Variants in KCNMA1 observed in about 807,000 individuals in gnomAD.
The protein encoded by KCNMA1 is potassium calcium-activated channel subfamily M alpha 1, also known as Calcium-activated potassium channel subunit alpha-1.
Under a neutral mutation model 140.0 loss-of-function variants are expected in KCNMA1, and 29 were observed. That is an observed-to-expected ratio of 0.21 (90% CI 0.15 to 0.28). KCNMA1 has a LOEUF of 0.28. Among genes scored for constraint, KCNMA1 ranks in the 10% least tolerant of loss-of-function variants. The pLI, the probability that KCNMA1 is intolerant of heterozygous loss-of-function variation, is 1.00. For synonymous variants in KCNMA1, 612 were observed against 611.9 expected, an observed-to-expected ratio of 1.00 and a Z score of 0.00; for missense variants, 880 against 1,602.2, an observed-to-expected ratio of 0.55 and a Z score of 7.70.
intron 22 of KCNMA1, among the ~76,000 whole-genome samples, chr10:76,947,707 C>T (rs1181637769): frequency 2.0e-5 from 3 of 152,150 alleles, no homozygotes; most frequent in African/African-American, 4.8e-5. Flanking sequence ...GGGTTTTTGG[C>T]CCAGCATCCA....
intron 1 of KCNMA1, among the ~76,000 whole-genome samples, chr10:77,605,607 A>ACAGT (rs1282329603): frequency 6.6e-6 from 1 of 152,106 alleles, no homozygotes; most frequent in Non-Finnish European, 1.5e-5. Context: ...CTCTGCTGGG[A>ACAGT]CAGTCGTCAG....
chr10:77,010,458 G>A (rs1022512625), intron 18 of KCNMA1, among the ~76,000 whole-genome samples: 3 of 151,958 alleles, frequency 2.0e-5, no homozygotes, highest in Non-Finnish European at 4.4e-5. Flanking sequence ...CAGAATCGGG[G>A]AATTCTTGTC....
chr10:77,025,008 C>T (rs879157905), intron 16 of KCNMA1, among the ~76,000 whole-genome samples: 2 of 151,688 alleles, frequency 1.3e-5, no homozygotes, highest in Non-Finnish European at 2.9e-5. Context: ...CATCAAGACA[C>T]GTCAGGACAA....
chr10:77,075,122 G>C (rs374386477), intron 13 of KCNMA1, among the ~76,000 whole-genome samples: 2 of 152,200 alleles, frequency 1.3e-5, no homozygotes, highest in Admixed American at 6.5e-5. Flanking sequence ...TCCCTGATGA[G>C]AGCATGGTTA....
intron 2 of KCNMA1, among the ~76,000 whole-genome samples, chr10:77,380,268 C>T (rs910905789): frequency 2.6e-5 from 4 of 152,168 alleles, no homozygotes; most frequent in African/African-American, 9.7e-5. Flanking sequence ...TTGACTGCTA[C>T]ATCTCATTTC....
intron 1 of KCNMA1, among the ~76,000 whole-genome samples, chr10:77,430,203 T>C (rs1466087050): frequency 6.6e-6 from 1 of 152,234 alleles, no homozygotes; most frequent in East Asian, 1.9e-4. Flanking sequence ...CCTGACAATG[T>C]ATCTTCACAG....
At chr10:77,229,182 C>A (rs1206164118) in intron 3 of KCNMA1, among the ~76,000 whole-genome samples, 2 of 152,072 alleles carry the variant, frequency 1.3e-5, no homozygotes, top group Non-Finnish European at 2.9e-5. Flanking sequence ...GGTCATCCAC[C>A]TGGGAATCTC....
intron 12 of KCNMA1, among the ~76,000 whole-genome samples, chr10:77,082,002 CTTTTCTTTTTTTTTTTTTTTTTTTTTTTT>C (rs2096585916): frequency 1.9e-5 from 1 of 51,650 alleles, no homozygotes; most frequent in Admixed American, 2.4e-4. Context: ...TTCTTTTTTT[CTTTTCTTTTTTTTTTTTTTTTTTTTTTTT>C]TTTTTTTTTT....
At chr10:77,540,282 G>T (rs1258330850) in intron 1 of KCNMA1, among the ~76,000 whole-genome samples, 1 of 152,174 alleles carries the variant, frequency 6.6e-6, no homozygotes, top group Non-Finnish European at 1.5e-5. Flanking sequence ...GTTTTAAAAG[G>T]GAAGTCCAGG....
chr10:77,457,272 T>A (rs538449681), intron 1 of KCNMA1, among the ~76,000 whole-genome samples: 1 of 152,270 alleles, frequency 6.6e-6, no homozygotes, highest in South Asian at 2.1e-4. Flanking sequence ...GGGAAGTTTG[T>A]TCTATTCAGC....
intron 18 of KCNMA1, among the ~76,000 whole-genome samples, chr10:77,002,516 C>T (rs1390643898): frequency 6.6e-6 from 1 of 152,156 alleles, no homozygotes; most frequent in African/African-American, 2.4e-5. Context: ...TCGATTAAAA[C>T]TGACAAAACA....
At chr10:77,549,591 G>A (rs2062255258) in intron 1 of KCNMA1, among the ~76,000 whole-genome samples, 1 of 152,236 alleles carries the variant, frequency 6.6e-6, no homozygotes, top group South Asian at 2.1e-4. Context: ...CCAAAAAAAT[G>A]AGGACTCTGG....
chr10:76,889,460 C>A lies in KCNMA1; in HGVS notation c.3452G>T (p.Cys1151Phe). 6.2e-7 allele frequency: 1 copy of A among 1,609,230 alleles called. No individual in the cohort carries two copies. Among genetic ancestry groups the A allele is most frequent in the East Asian group, 2.2e-5 (1 of 44,848 alleles). The change falls in exon 27 of 28, where the codon TGC becomes TTC. Residue 1151 changes from cysteine to phenylalanine, a missense_variant. Coordinates refer to ENST00000286628, the MANE Select transcript of KCNMA1 (RefSeq NM_001161352.2). ...RDAHLSTPSQ[C>F]TKRYVITNPP... is the part of the protein sequence containing the mutation. Reference sequence around the variant, plus strand: ...TGAAACCAATACTCACCTCTTTGTGCACTGACTGGGGGTGCTGAGGTGAGC... The same window carrying A: ...TGAAACCAATACTCACCTCTTTGTGAACTGACTGGGGGTGCTGAGGTGAGC...
At chr10:77,474,447 C>T (rs1428129955) in intron 1 of KCNMA1, among the ~76,000 whole-genome samples, 1 of 152,176 alleles carries the variant, frequency 6.6e-6, no homozygotes, top group Non-Finnish European at 1.5e-5. Flanking sequence ...CGGCCATCTA[C>T]AAGAGCCAAG....
chr10:77,103,661 GTGTGGTTCATCTGTC>G (rs773183308), intron 9 of KCNMA1, among the ~76,000 whole-genome samples: 34 of 152,314 alleles, frequency 2.2e-4, no homozygotes, highest in Admixed American at 1.4e-3. Context: ...CTCACTTTAG[GTGTGGTTCATCTGTC>G]TGTCCTTGAG....
intron 15 of KCNMA1, among the ~76,000 whole-genome samples, chr10:77,029,282 T>C (rs938752710): frequency 6.6e-6 from 1 of 152,218 alleles, no homozygotes; most frequent in African/African-American, 2.4e-5. Flanking sequence ...AGTTGATGCT[T>C]ATTTATTTAG....
intron 23 of KCNMA1, among the ~76,000 whole-genome samples, chr10:76,917,784 C>A (rs1224641580): frequency 1.3e-5 from 2 of 152,200 alleles, no homozygotes; most frequent in Non-Finnish European, 2.9e-5. Context: ...TTGGCTTCTT[C>A]TTTTTCCCTG....
At chr10:77,407,773 C>A (rs1428545096) in intron 1 of KCNMA1, among the ~76,000 whole-genome samples, 1 of 152,190 alleles carries the variant, frequency 6.6e-6, no homozygotes, top group Admixed American at 6.5e-5. Context: ...CAGTCCCGGG[C>A]ACACAGTGGT....
intron 13 of KCNMA1, among the ~76,000 whole-genome samples, chr10:77,077,616 C>T (rs963344157): frequency 6.6e-6 from 1 of 152,220 alleles, no homozygotes; most frequent in Non-Finnish European, 1.5e-5. Flanking sequence ...TCTAAACATA[C>T]AACATTAATT....
Sources: allele counts gnomAD v4.1 joint callset (sites outside exome capture counted in the v4.1 genomes callset), GRCh38; gene constraint gnomAD v4.1.1; transcripts MANE v1.5; gene names NCBI Gene and HGNC (gene_info 2026-07-23, HGNC 2026-07-21).